The following RABGAP1L variants were observed in gnomAD, a reference collection of about 807,000 sequenced individuals.
The protein encoded by RABGAP1L is rab GTPase-activating protein 1-like.
In RABGAP1L, 63 loss-of-function variants were observed where a neutral mutation model predicts 137.7. That is an observed-to-expected ratio of 0.46 (90% CI 0.37 to 0.56). The LOEUF is 0.56. RABGAP1L is among the 20% of genes least tolerant of loss of function. RABGAP1L has a pLI of 0.00. For missense variants in RABGAP1L, 1,095 were observed against 1,244.0 expected, an observed-to-expected ratio of 0.88 and a Z score of 1.80; for synonymous variants, 431 against 433.7, an observed-to-expected ratio of 0.99 and a Z score of 0.08.
At chr1:174,759,630 G>A (rs1685062171) in intron 18 of RABGAP1L, among the ~76,000 whole-genome samples, 1 of 151,804 alleles carries the variant, frequency 6.6e-6, no homozygotes, top group East Asian at 1.9e-4. Flanking sequence ...GTTTTATTTT[G>A]GCTTACAGTT....
intron 11 of RABGAP1L, among the ~76,000 whole-genome samples, chr1:174,327,712 A>T (rs1361275762): frequency 6.6e-6 from 1 of 151,748 alleles, no homozygotes; most frequent in Non-Finnish European, 1.5e-5. Context: ...TGGCTAATGG[A>T]TAGAAAAATA....
At chr1:174,816,159 T>G (rs980993696) in intron 19 of RABGAP1L, among the ~76,000 whole-genome samples, 2 of 147,770 alleles carry the variant, frequency 1.4e-5, no homozygotes, top group African/African-American at 4.9e-5. Flanking sequence ...TTTTTTTTTT[T>G]TTTTTTTTTT....
At chr1:174,393,911 A>ATAT in intron 12 of RABGAP1L, 84 bp from the exon 13 acceptor site, 7 of 1,463,440 alleles carry the variant, frequency 4.8e-6, no homozygotes, top group Non-Finnish European at 6.5e-6. Context: ...TTACACTTTT[A>ATAT]TATAAACTAG....
chr1:174,665,389 C>T (rs1271035179), intron 14 of RABGAP1L, among the ~76,000 whole-genome samples: 1 of 150,452 alleles, frequency 6.6e-6, no homozygotes, highest in Non-Finnish European at 1.5e-5. Flanking sequence ...CCTTTCCTTT[C>T]TTTCTTTCTT....
At chr1:174,252,752 TC>T (rs1453716058) in intron 7 of RABGAP1L, among the ~76,000 whole-genome samples, 162 bp downstream of exon 7, 1 of 150,668 alleles carries the variant, frequency 6.6e-6, no homozygotes, top group African/African-American at 2.5e-5. Context: ...GTAACTGGTT[TC>T]ATTGAAAATC....
At chr1:174,174,174 A>G (rs1041566345) in intron 1 of RABGAP1L, among the ~76,000 whole-genome samples, 2 of 150,054 alleles carry the variant, frequency 1.3e-5, no homozygotes, top group African/African-American at 2.5e-5. Context: ...CATGATAGCA[A>G]TGAAGAAATT....
intron 19 of RABGAP1L, among the ~76,000 whole-genome samples, chr1:174,830,651 A>ATT (rs1692021744): frequency 6.8e-6 from 1 of 146,928 alleles, no homozygotes; most frequent in East Asian, 2.1e-4. Context: ...CAATTTTTGT[A>ATT]TTTTTAGTAG....
intron 13 of RABGAP1L, among the ~76,000 whole-genome samples, chr1:174,430,505 G>T (rs1652504214): frequency 6.6e-6 from 1 of 152,022 alleles, no homozygotes; most frequent in Non-Finnish European, 1.5e-5. Flanking sequence ...TTAATTGAAC[G>T]CTAATTGCAT....
intron 18 of RABGAP1L, among the ~76,000 whole-genome samples, chr1:174,767,643 A>G (rs764023591): frequency 6.6e-6 from 1 of 151,896 alleles, no homozygotes; most frequent in Non-Finnish European, 1.5e-5. Context: ...ACTTATCTAT[A>G]TTGATCTTAT....
chr1:174,942,637 G>A (rs1394673630), intron 19 of RABGAP1L, among the ~76,000 whole-genome samples: 1 of 152,206 alleles, frequency 6.6e-6, no homozygotes, highest in South Asian at 2.1e-4. Flanking sequence ...AGAGATGTGA[G>A]GCTAAAATGA....
intron 19 of RABGAP1L, among the ~76,000 whole-genome samples, chr1:174,952,746 T>C (rs1345861605): frequency 6.6e-6 from 1 of 152,022 alleles, no homozygotes; most frequent in Non-Finnish European, 1.5e-5. Flanking sequence ...TGTGCCACGA[T>C]GCTCAGCTAA....
intron 13 of RABGAP1L, among the ~76,000 whole-genome samples, chr1:174,635,875 T>C (rs999277953): frequency 6.6e-6 from 1 of 152,178 alleles, no homozygotes; most frequent in African/African-American, 2.4e-5. Flanking sequence ...CCTTCTTGTA[T>C]ACTTCGCAGC....
chr1:174,205,298 C>T (rs994238082), intron 1 of RABGAP1L, among the ~76,000 whole-genome samples: 1 of 152,116 alleles, frequency 6.6e-6, no homozygotes, highest in Admixed American at 6.5e-5. Flanking sequence ...GTGCTGGCCT[C>T]ATAGAATGAG....
chr1:174,437,180 A>T (rs1266471025), intron 13 of RABGAP1L, among the ~76,000 whole-genome samples: 1 of 152,240 alleles, frequency 6.6e-6, no homozygotes, highest in African/African-American at 2.4e-5. Flanking sequence ...CTCCAAAGGA[A>T]CGCAGCTCCT....
At chr1:174,527,204 G>GTTTTTT (rs57011947) in intron 13 of RABGAP1L, among the ~76,000 whole-genome samples, 4 of 119,646 alleles carry the variant, frequency 3.3e-5, no homozygotes, top group Non-Finnish European at 6.9e-5. Context: ...TTTTTATTTT[G>GTTTTTT]TTTTTTTTTT....
chr1:174,908,338 CA>C (rs1659455401), intron 19 of RABGAP1L, among the ~76,000 whole-genome samples: 1 of 152,132 alleles, frequency 6.6e-6, no homozygotes, highest in Non-Finnish European at 1.5e-5. Flanking sequence ...CCAACTGCTG[CA>C]GAATACACAT....
At chr1:174,227,167 T>C (rs981390835) in intron 3 of RABGAP1L, among the ~76,000 whole-genome samples, 2 of 152,050 alleles carry the variant, frequency 1.3e-5, no homozygotes, top group African/African-American at 4.8e-5. Context: ...ATATTTATCA[T>C]ATGACCCTTT....
At chr1:174,905,018 AAC>A (rs1197612218) in intron 19 of RABGAP1L, among the ~76,000 whole-genome samples, 1 of 152,080 alleles carries the variant, frequency 6.6e-6, no homozygotes, top group Non-Finnish European at 1.5e-5. Context: ...TCTCTTTGGG[AAC>A]TCCCTAGTTT....
intron 13 of RABGAP1L, among the ~76,000 whole-genome samples, chr1:174,422,532 A>G (rs1197039862): frequency 6.6e-6 from 1 of 152,188 alleles, no homozygotes; most frequent in Non-Finnish European, 1.5e-5. Context: ...TAAAAGCCCT[A>G]TGAGTTAGGC....
Sources: gnomAD v4.1 joint callset for allele counts (sites outside exome capture counted in the v4.1 genomes callset) on GRCh38, gnomAD v4.1.1 for gene constraint, MANE v1.5 for transcripts, NCBI Gene and HGNC (gene_info 2026-07-23, HGNC 2026-07-21) for gene names.